Variants in TMEM200A observed in about 807,000 individuals in gnomAD.
The protein encoded by TMEM200A is two transmembrane C.
TMEM200A carries 12 observed loss-of-function variants against 24.3 expected under a neutral mutation model. The observed-to-expected ratio is 0.49, with a 90% confidence interval of 0.32 to 0.80. The LOEUF is 0.80. Among genes scored for constraint, TMEM200A ranks in the 30% least tolerant of loss-of-function variants. The pLI is 0.04. For missense variants in TMEM200A, 545 were observed against 614.4 expected (o/e 0.89, Z 1.19); for synonymous variants, 224 against 224.4 (o/e 1.00, Z 0.02).
At chr6:130,371,745 C>A (rs895453677) in intron 1 of TMEM200A, among the ~76,000 whole-genome samples, 4 of 152,188 alleles carry the variant, frequency 2.6e-5, no homozygotes, top group Non-Finnish European at 4.4e-5. Context: ...AATTATCAGG[C>A]AGTTGAACAG....
chr6:130,407,585 G>A (rs1168359357), intron 2 of TMEM200A, among the ~76,000 whole-genome samples: 8 of 152,300 alleles, frequency 5.3e-5, no homozygotes, highest in African/African-American at 1.9e-4. Context: ...TGTGTCCACG[G>A]AGATACTTGA....
chr6:130,435,881 T>A (rs1779993464), intron 2 of TMEM200A, among the ~76,000 whole-genome samples: 1 of 152,198 alleles, frequency 6.6e-6, no homozygotes, highest in African/African-American at 2.4e-5. Flanking sequence ...GTCTGCATCT[T>A]CATACACTGA....
intron 2 of TMEM200A, among the ~76,000 whole-genome samples, chr6:130,412,475 C>T (rs1047189176): frequency 2.0e-5 from 3 of 152,260 alleles, no homozygotes; most frequent in African/African-American, 7.2e-5. Context: ...ACACCTTGTG[C>T]TGGCCCACAG....
intron 2 of TMEM200A, among the ~76,000 whole-genome samples, chr6:130,420,245 TGTATC>T (rs1237569604): frequency 6.6e-6 from 1 of 152,166 alleles, no homozygotes; most frequent in African/African-American, 2.4e-5. Flanking sequence ...AATACCTACT[TGTATC>T]AGTCAGAATA....
chr6:130,435,137 C>T (rs1365163101), intron 2 of TMEM200A, among the ~76,000 whole-genome samples: 1 of 151,366 alleles, frequency 6.6e-6, no homozygotes, highest in Admixed American at 6.6e-5. Context: ...CAGGTATATA[C>T]ATATTTGTCT....
chr6:130,401,792 C>T (rs1050354507), intron 2 of TMEM200A, among the ~76,000 whole-genome samples: 2 of 151,828 alleles, frequency 1.3e-5, no homozygotes, highest in African/African-American at 4.8e-5. Context: ...TAGGTAAAAA[C>T]AGTGGTCTCT....
intron 2 of TMEM200A, among the ~76,000 whole-genome samples, chr6:130,435,276 G>A (rs1381607847): frequency 1.3e-5 from 2 of 152,040 alleles, no homozygotes; most frequent in South Asian, 2.1e-4. Flanking sequence ...GTGAGCCATC[G>A]CACCCAGCCC....
At chr6:130,413,266 A>C (rs1779372937) in intron 2 of TMEM200A, among the ~76,000 whole-genome samples, 1 of 152,112 alleles carries the variant, frequency 6.6e-6, no homozygotes, top group Non-Finnish European at 1.5e-5. Flanking sequence ...TTTTATCTCA[A>C]TTGTGTTGTG....
intron 2 of TMEM200A, among the ~76,000 whole-genome samples, chr6:130,412,601 T>A (rs1779358252): frequency 6.6e-6 from 1 of 152,132 alleles, no homozygotes; most frequent in South Asian, 2.1e-4. Context: ...AATACCCCAC[T>A]AGGGCTACCA....
intron 1 of TMEM200A, among the ~76,000 whole-genome samples, chr6:130,370,265 A>G (rs1056392222): frequency 1.3e-5 from 2 of 152,062 alleles, no homozygotes; most frequent in Non-Finnish European, 2.9e-5. Flanking sequence ...TCCCATTTTT[A>G]TAAATCTCCT....
At chr6:130,431,016 A>G (rs1394212351) in intron 2 of TMEM200A, among the ~76,000 whole-genome samples, 1 of 152,220 alleles carries the variant, frequency 6.6e-6, no homozygotes, top group Non-Finnish European at 1.5e-5. Flanking sequence ...ATGGCTCCTT[A>G]TTTAGAGCAG....
rs1384740216 is a variant in TMEM200A at position 130,441,640 on chromosome 6, T to G, written c.1218T>G (p.Thr406=). The G allele has an allele frequency of 1.2e-6, 2 of 1,614,000 alleles. No homozygotes were observed. Among genetic ancestry groups the G allele is most frequent in the Admixed American group, 3.3e-5 (2 of 60,010 alleles). The part of the protein sequence containing the change: ...KSLDLDRGPS[T]LTVQAEQRKH... ...TGGACTTAGACCGGGGTCCCTCCAC[T>G]CTAACTGTTCAGGCAGAACAACGGA... Residue 406 remains threonine, a synonymous_variant, in exon 3 of 3, where the codon ACT becomes ACG. Coordinates refer to ENST00000296978, the MANE Select transcript of TMEM200A (RefSeq NM_001258277.2).
rs967223916 is a variant in TMEM200A at position 130,393,532 on chromosome 6, C to T, written c.-17+8296C>T. On this transcript the variant is annotated intron_variant, in intron 2 of 2. Transcript: ENST00000296978. ...TCCAGTGTCAACACGGCTTCACATGCGAGCCTGAGCAAAGATCATGTTCAT... is the reference window on the plus strand; with the variant it reads ...TCCAGTGTCAACACGGCTTCACATGTGAGCCTGAGCAAAGATCATGTTCAT... 6.6e-5 allele frequency among the ~76,000 whole-genome samples: 10 copies of T among 152,230 alleles called. No homozygotes were observed. In the East Asian group the frequency reaches 1.5e-3, roughly 23 times the overall value.
intron 2 of TMEM200A, among the ~76,000 whole-genome samples, chr6:130,401,405 TTCTTTCTTTC>T (rs1192895960): frequency 1.2e-5 from 1 of 80,840 alleles, no homozygotes; most frequent in African/African-American, 1.4e-4. Flanking sequence ...TTCTTTCTTT[TTCTTTCTTTC>T]TCTTTCTTTC....
intron 2 of TMEM200A, among the ~76,000 whole-genome samples, chr6:130,388,253 A>G (rs1385685982): frequency 1.3e-5 from 2 of 152,238 alleles, no homozygotes; most frequent in Non-Finnish European, 2.9e-5. Flanking sequence ...GGAGAAGGGA[A>G]GGCTTATAAT....
chr6:130,428,286 T>C (rs1183565321), intron 2 of TMEM200A, among the ~76,000 whole-genome samples: 1 of 152,168 alleles, frequency 6.6e-6, no homozygotes, highest in Non-Finnish European at 1.5e-5. Flanking sequence ...GTAAGGACAT[T>C]TAAAAAGGTA....
At chr6:130,424,787 G>C (rs1262074764) in intron 2 of TMEM200A, among the ~76,000 whole-genome samples, 1 of 152,124 alleles carries the variant, frequency 6.6e-6, no homozygotes, top group Non-Finnish European at 1.5e-5. Flanking sequence ...AGTGAATTCT[G>C]TCTTTTGCTT....
chr6:130,383,785 C>T (rs1262841210), intron 1 of TMEM200A, among the ~76,000 whole-genome samples: 1 of 151,984 alleles, frequency 6.6e-6, no homozygotes, highest in Admixed American at 6.6e-5. Flanking sequence ...GGCCATGGGA[C>T]CCATAGAACC....
At chr6:130,397,266 A>G (rs1289170089) in intron 2 of TMEM200A, among the ~76,000 whole-genome samples, 1 of 152,146 alleles carries the variant, frequency 6.6e-6, no homozygotes, top group African/African-American at 2.4e-5. Context: ...TTTCAAGTAA[A>G]ATCATAGATT....
Sources: gnomAD v4.1 joint callset for allele counts (sites outside exome capture counted in the v4.1 genomes callset) on GRCh38, gnomAD v4.1.1 for gene constraint, MANE v1.5 for transcripts, NCBI Gene and HGNC (gene_info 2026-07-23, HGNC 2026-07-21) for gene names.